The following KAZN variants were observed in gnomAD, a reference collection of about 807,000 sequenced individuals.
The protein encoded by KAZN is kazrin, periplakin interacting protein.
In KAZN, 40 loss-of-function variants were observed where a neutral mutation model predicts 87.4. The ratio of observed to expected loss-of-function variants is 0.46; its 90% CI spans 0.36 to 0.60. The LOEUF (loss-of-function observed/expected upper bound fraction) is 0.60, where lower values mean the gene tolerates loss of function less well. KAZN is among the 20% of genes least tolerant of loss of function. The probability of loss-of-function intolerance (pLI) is 0.00; values close to 1 mark genes in which losing one functional copy is unlikely to be tolerated. For synonymous variants in KAZN, 466 were observed against 458.3 expected (o/e 1.02, Z -0.22); for missense variants, 898 against 1,073.9 (o/e 0.84, Z 2.29).
At chr1:14,043,279 T>C (rs905784044) in intron 1 of KAZN, among the ~76,000 whole-genome samples, 4 of 152,244 alleles carry the variant, frequency 2.6e-5, no homozygotes, top group Non-Finnish European at 4.4e-5. Context: ...GATATTCCAT[T>C]GTATATATAG....
intron 1 of KAZN, among the ~76,000 whole-genome samples, chr1:14,114,948 T>A (rs1644582241): frequency 6.6e-6 from 1 of 152,202 alleles, no homozygotes; most frequent in South Asian, 2.1e-4. Context: ...TTGGAGGTGC[T>A]CAGTCTCTGA....
intron 1 of KAZN, among the ~76,000 whole-genome samples, chr1:14,775,767 T>A (rs955778038): frequency 1.3e-5 from 2 of 152,218 alleles, no homozygotes; most frequent in African/African-American, 4.8e-5. Context: ...ATTCATTGTG[T>A]TCATAAGATA....
chr1:14,719,309 T>C (rs1642968861), intron 1 of KAZN, among the ~76,000 whole-genome samples: 1 of 152,236 alleles, frequency 6.6e-6, no homozygotes, highest in Admixed American at 6.5e-5. Context: ...GTCAGGCACC[T>C]ATGTTTGATG....
At chr1:14,491,748 G>A (rs180937541) in intron 2 of KAZN, among the ~76,000 whole-genome samples, 1 of 152,042 alleles carries the variant, frequency 6.6e-6, no homozygotes, top group South Asian at 2.1e-4. Flanking sequence ...AGTTCTGTGT[G>A]ATTATACCAT....
chr1:14,303,485 T>C (rs1301496919), intron 2 of KAZN, among the ~76,000 whole-genome samples: 1 of 152,196 alleles, frequency 6.6e-6, no homozygotes, highest in Middle Eastern at 3.2e-3. Context: ...ACCTCGGATC[T>C]GCCCACCTCA....
chr1:13,923,701 G>A (rs958450742), intron 1 of KAZN, among the ~76,000 whole-genome samples: 1 of 151,896 alleles, frequency 6.6e-6, no homozygotes, highest in Non-Finnish European at 1.5e-5. Flanking sequence ...GGTTGGTCTC[G>A]CTGTCTTAGG....
At chr1:13,903,480 G>C (rs191702649) in intron 1 of KAZN, among the ~76,000 whole-genome samples, 3 of 152,104 alleles carry the variant, frequency 2.0e-5, no homozygotes, top group African/African-American at 7.2e-5. Context: ...ACTCAGCCTC[G>C]GACCCCAAAG....
At chr1:14,938,301 G>A (rs1277294636) in intron 1 of KAZN, among the ~76,000 whole-genome samples, 1 of 152,196 alleles carries the variant, frequency 6.6e-6, no homozygotes, top group East Asian at 1.9e-4. Context: ...CAACACTTTG[G>A]GAGGCCAAGG....
At chr1:14,675,071 G>T (rs1557880903) in intron 1 of KAZN, among the ~76,000 whole-genome samples, 1 of 152,312 alleles carries the variant, frequency 6.6e-6, no homozygotes, top group East Asian at 1.9e-4. Context: ...TGGCATTGAG[G>T]TCAGTCTCGT....
chr1:13,973,779 C>T (rs1402396647), intron 1 of KAZN, among the ~76,000 whole-genome samples: 1 of 152,206 alleles, frequency 6.6e-6, no homozygotes, highest in Non-Finnish European at 1.5e-5. Context: ...GCTTTAACAC[C>T]AGCCCTATCA....
intron 1 of KAZN, among the ~76,000 whole-genome samples, chr1:14,891,507 G>T (rs1385468226): frequency 6.6e-6 from 1 of 152,216 alleles, no homozygotes; most frequent in East Asian, 1.9e-4. Flanking sequence ...TTATGGCTGA[G>T]TAGTAAGGAA....
At position 14,470,272 on chromosome 1, in the gene KAZN, CTCCTTAGAAGAG is replaced by C. The variant is rs566942884; in HGVS notation, c.250-128710_250-128699del. Reference sequence around the variant, plus strand: ...CTAGACTGATAAAACATGAAGCAGCCTCCTTAGAAGAGGTGTTTTCACGGTCCCCTAAGTAAA... The same window carrying C: ...CTAGACTGATAAAACATGAAGCAGCCGTGTTTTCACGGTCCCCTAAGTAAA... On this transcript the variant is annotated intron_variant, in intron 2 of 16. Transcript: ENST00000636203. 4.2e-3 allele frequency among the ~76,000 whole-genome samples: 632 copies of C among 152,252 alleles called. 4 individuals are homozygous for C. Among genetic ancestry groups the C allele is most frequent in the African/African-American group, 0.013 (558 of 41,548 alleles).
intron 2 of KAZN, among the ~76,000 whole-genome samples, chr1:14,466,709 C>T (rs1167161988): frequency 2.0e-5 from 3 of 151,558 alleles, no homozygotes; most frequent in Non-Finnish European, 4.4e-5. Context: ...TGGCTCACGC[C>T]TGTAATCCCA....
Position 14,343,147 on chromosome 1 carries a change from A to AAAAC in KAZN, c.249+162574_249+162577dup, listed in dbSNP as rs150163006. Among the ~76,000 whole-genome samples, 9 of 152,098 alleles carry AAAAC rather than the reference A, an allele frequency of 5.9e-5. No homozygotes were observed. In the South Asian group the frequency reaches 8.3e-4, roughly 14 times the overall value. On this transcript the variant is annotated intron_variant, in intron 2 of 16. Coordinates refer to the KAZN transcript ENST00000636203. ...GGAGACAAGAGCAAAACTCCATCTC[A>AAAAC]AAACAAACAAACAAACAAACAACAA...
At chr1:14,216,350 G>T (rs1326628374) in intron 2 of KAZN, among the ~76,000 whole-genome samples, 1 of 152,098 alleles carries the variant, frequency 6.6e-6, no homozygotes, top group African/African-American at 2.4e-5. Context: ...GAATGGTCTG[G>T]GTTTCTTGAA....
chr1:14,419,766 T>A (rs532073555), intron 2 of KAZN, among the ~76,000 whole-genome samples: 1 of 151,910 alleles, frequency 6.6e-6, no homozygotes, highest in Non-Finnish European at 1.5e-5. Context: ...GCGTCTGGTG[T>A]TGTTTGTCCC....
chr1:14,226,269 A>G (rs1342676632), intron 2 of KAZN, among the ~76,000 whole-genome samples: 1 of 152,206 alleles, frequency 6.6e-6, no homozygotes, highest in Non-Finnish European at 1.5e-5. Flanking sequence ...CACTTCTCAA[A>G]AGAAGACATA....
chr1:14,934,209 CT>C (rs1243741050), intron 1 of KAZN, among the ~76,000 whole-genome samples: 119 of 137,096 alleles, frequency 8.7e-4, no homozygotes, highest in Admixed American at 2.5e-3. Flanking sequence ...GTTTTCTTTT[CT>C]TTTTTTTTTT....
intron 1 of KAZN, among the ~76,000 whole-genome samples, chr1:14,860,421 G>C (rs1377423816): frequency 6.6e-6 from 1 of 152,048 alleles, no homozygotes; most frequent in Admixed American, 6.6e-5. Flanking sequence ...CAAACTCCTG[G>C]CCTCAAGTTA....
Sources: gnomAD v4.1 joint callset for allele counts (sites outside exome capture counted in the v4.1 genomes callset) on GRCh38, gnomAD v4.1.1 for gene constraint, MANE v1.5 for transcripts, NCBI Gene and HGNC (gene_info 2026-07-23, HGNC 2026-07-21) for gene names.